Variants in DTWD2 observed in about 807,000 individuals in gnomAD.
DTWD2 encodes the protein DTW motif tRNA-uridine aminocarboxypropyltransferase 2.
In DTWD2, 39 loss-of-function variants were observed where a neutral mutation model predicts 31.8. The ratio of observed to expected loss-of-function variants is 1.22; its 90% confidence interval spans 0.95 to 1.60. DTWD2 has a LOEUF of 1.60. DTWD2 is among the 40% of genes most tolerant of loss of function. The pLI is 0.00. For missense variants in DTWD2, 515 were observed against 381.5 expected (o/e 1.35, Z -2.92); for synonymous variants, 180 against 142.8 (o/e 1.26, Z -1.86).
At chr5:118,890,942 A>G (rs1752965267) in intron 4 of DTWD2, among the ~76,000 whole-genome samples, 1 of 151,712 alleles carries the variant, frequency 6.6e-6, no homozygotes, top group South Asian at 2.1e-4. Context: ...AAATAAATAA[A>G]ATGTGCAAGT....
intron 1 of DTWD2, among the ~76,000 whole-genome samples, chr5:118,980,785 G>T (rs1435871677): frequency 6.6e-6 from 1 of 152,130 alleles, no homozygotes; most frequent in Non-Finnish European, 1.5e-5. Context: ...ATATGACCCA[G>T]CTATTCCACT....
At chr5:118,894,844 C>T (rs56191796) in intron 4 of DTWD2, among the ~76,000 whole-genome samples, 33,879 of 151,982 alleles carry the variant, frequency 0.22, 6,217 homozygotes, top group African/African-American at 0.51. Context: ...AAACCTGGTA[C>T]AGAAAAAACA....
intron 5 of DTWD2, among the ~76,000 whole-genome samples, chr5:118,846,130 C>G (rs924013036): frequency 1.3e-5 from 2 of 151,980 alleles, no homozygotes; most frequent in Non-Finnish European, 2.9e-5. Flanking sequence ...TAAAATAAAG[C>G]CTGAAACATT....
chr5:118,859,520 C>T (rs1015846511), intron 4 of DTWD2, among the ~76,000 whole-genome samples: 5 of 152,126 alleles, frequency 3.3e-5, no homozygotes, highest in Non-Finnish European at 7.4e-5. Context: ...CTTATGGATC[C>T]GTTCAATTGG....
chr5:118,842,038 C>T (rs1053421697), intron 5 of DTWD2, among the ~76,000 whole-genome samples: 6 of 152,200 alleles, frequency 3.9e-5, no homozygotes, highest in South Asian at 2.1e-4. Context: ...GGTTCTCTTA[C>T]ATGCGGCCAA....
At chr5:118,869,448 A>T (rs1264287026) in intron 4 of DTWD2, among the ~76,000 whole-genome samples, 1 of 152,196 alleles carries the variant, frequency 6.6e-6, no homozygotes, top group Non-Finnish European at 1.5e-5. Flanking sequence ...GGATAATTAA[A>T]CAATACTAAG....
rs1753081562 is a variant in DTWD2 at position 118,896,228 on chromosome 5, C to T, written c.597+32309G>A. 3.3e-5 allele frequency among the ~76,000 whole-genome samples: 5 copies of T among 152,262 alleles called. No individual in the cohort carries two copies. The South Asian group carries it at 1.0e-3, about 32-fold the overall frequency. ...CAAACCAGTGAATAAACAAGAAACA[C>T]TTCTAATCACAGGTTGCAAAGTTTC... On this transcript the variant is annotated intron_variant, in intron 4 of 5. Coordinates refer to ENST00000510708, the MANE Select transcript of DTWD2 (RefSeq NM_173666.4).
intron 2 of DTWD2, among the ~76,000 whole-genome samples, chr5:118,941,451 T>G (rs111368833): frequency 6.6e-6 from 1 of 152,170 alleles, no homozygotes; most frequent in East Asian, 1.9e-4. Context: ...CCTTGTGATA[T>G]AGTTTGCTAA....
intron 4 of DTWD2, among the ~76,000 whole-genome samples, chr5:118,908,575 G>A (rs1753386254): frequency 6.6e-6 from 1 of 151,268 alleles, no homozygotes; most frequent in Non-Finnish European, 1.5e-5. Flanking sequence ...CAAATTTGTA[G>A]AGACTGAATT....
intron 4 of DTWD2, among the ~76,000 whole-genome samples, chr5:118,892,475 C>T (rs1752995717): frequency 6.6e-6 from 1 of 152,086 alleles, no homozygotes; most frequent in Admixed American, 6.5e-5. Flanking sequence ...AATTGTTCTA[C>T]ATCTTTACTG....
At chr5:118,973,332 G>A (rs1755034873) in intron 1 of DTWD2, among the ~76,000 whole-genome samples, 1 of 152,138 alleles carries the variant, frequency 6.6e-6, no homozygotes, top group Non-Finnish European at 1.5e-5. Flanking sequence ...CTTAGTTGAT[G>A]CAGTTTCTTC....
intron 3 of DTWD2, among the ~76,000 whole-genome samples, chr5:118,938,460 C>T (rs1418421433): frequency 6.6e-6 from 1 of 152,162 alleles, no homozygotes; most frequent in Non-Finnish European, 1.5e-5. Context: ...CCGATGATTT[C>T]ATCATGTACT....
At chr5:118,905,358 G>A (rs745865817) in intron 4 of DTWD2, among the ~76,000 whole-genome samples, 53 of 152,208 alleles carry the variant, frequency 3.5e-4, no homozygotes, top group African/African-American at 1.2e-3. Flanking sequence ...AAGATGAGAA[G>A]AGATGCTCCT....
At chr5:118,986,082 A>C (rs1755420177) in intron 1 of DTWD2, among the ~76,000 whole-genome samples, 1 of 152,188 alleles carries the variant, frequency 6.6e-6, no homozygotes, top group Admixed American at 6.5e-5. Context: ...AAGTAGTTCA[A>C]CAAATCTTTT....
chr5:118,895,231 G>GA (rs938811070), intron 4 of DTWD2, among the ~76,000 whole-genome samples: 3 of 151,834 alleles, frequency 2.0e-5, no homozygotes, highest in African/African-American at 7.3e-5. Context: ...TGATCAACCT[G>GA]AAAAAATCAA....
intron 2 of DTWD2, among the ~76,000 whole-genome samples, chr5:118,939,901 T>A (rs1561463663): frequency 6.6e-6 from 1 of 151,566 alleles, no homozygotes; most frequent in Admixed American, 6.6e-5. Context: ...CAAATTAGAG[T>A]CCAGAATGAT....
intron 1 of DTWD2, among the ~76,000 whole-genome samples, chr5:118,968,759 G>C (rs1754912646): frequency 6.6e-6 from 1 of 152,230 alleles, no homozygotes. Flanking sequence ...GGGAATTCCA[G>C]CAAGGCGGGA....
At chr5:118,965,089 G>A (rs1754803494) in intron 1 of DTWD2, among the ~76,000 whole-genome samples, 4 of 150,520 alleles carry the variant, frequency 2.7e-5, no homozygotes, top group South Asian at 4.2e-4. Context: ...CTGCCCGGCC[G>A]CAACCCCGTC....
intron 2 of DTWD2, among the ~76,000 whole-genome samples, chr5:118,943,794 T>A (rs1159907062): frequency 6.6e-6 from 1 of 152,164 alleles, no homozygotes; most frequent in Non-Finnish European, 1.5e-5. Context: ...TTAATTTCTT[T>A]TATACCTCTG....
Sources: gnomAD v4.1 joint callset for allele counts (sites outside exome capture counted in the v4.1 genomes callset) on GRCh38, gnomAD v4.1.1 for gene constraint, MANE v1.5 for transcripts, NCBI Gene and HGNC (gene_info 2026-07-23, HGNC 2026-07-21) for gene names.